Variants in FRK observed in about 807,000 individuals in gnomAD.
The protein encoded by FRK is fyn related Src family tyrosine kinase.
FRK carries 51 observed loss-of-function variants against 56.4 expected under a neutral mutation model. That is an observed-to-expected ratio of 0.90 (90% confidence interval 0.72 to 1.14). FRK has a LOEUF of 1.14. FRK is among the 50% of genes most tolerant of loss of function. The pLI, the probability that FRK is intolerant of heterozygous loss-of-function variation, is 0.00. For synonymous variants in FRK, 245 were observed against 217.9 expected (o/e 1.12, Z -1.10); for missense variants, 570 against 601.4 (o/e 0.95, Z 0.55).
upstream of FRK, among the ~76,000 whole-genome samples, chr6:116,061,713 C>T (rs749793164): frequency 9.9e-5 from 15 of 152,126 alleles, no homozygotes; most frequent in East Asian, 1.9e-4. Flanking sequence ...GGCAGATCAA[C>T]GTACGGTCAT....
At chr6:116,034,717 A>C (rs1776405299) in intron 1 of FRK, among the ~76,000 whole-genome samples, 1 of 152,156 alleles carries the variant, frequency 6.6e-6, no homozygotes, top group Non-Finnish European at 1.5e-5. Context: ...GATTCAAATA[A>C]ACCATAAAAA....
chr6:115,987,087 A>G (rs1433633926), intron 2 of FRK, among the ~76,000 whole-genome samples: 1 of 152,114 alleles, frequency 6.6e-6, no homozygotes, highest in African/African-American at 2.4e-5. Flanking sequence ...AGCTACAATC[A>G]TGGGACAAGC....
intron 1 of FRK, among the ~76,000 whole-genome samples, chr6:116,005,446 T>C (rs1289090788): frequency 2.0e-5 from 3 of 152,210 alleles, no homozygotes; most frequent in Admixed American, 2.0e-4. Context: ...CTAGAGCTTC[T>C]ATTTAAAGAT....
At chr6:115,993,967 G>A (rs567188448) in intron 2 of FRK, among the ~76,000 whole-genome samples, 2 of 151,866 alleles carry the variant, frequency 1.3e-5, no homozygotes, top group Non-Finnish European at 2.9e-5. Flanking sequence ...TTTATCTACT[G>A]TTCCTTTCAG....
intron 2 of FRK, among the ~76,000 whole-genome samples, chr6:115,997,830 C>T (rs1188136330): frequency 6.6e-6 from 1 of 152,162 alleles, no homozygotes; most frequent in Non-Finnish European, 1.5e-5. Context: ...GTTCACTAGG[C>T]CTGTCCCACT....
At chr6:115,990,750 A>G (rs1774569072) in intron 2 of FRK, among the ~76,000 whole-genome samples, 1 of 151,808 alleles carries the variant, frequency 6.6e-6, no homozygotes, top group Non-Finnish European at 1.5e-5. Flanking sequence ...TGCTTTGGCT[A>G]TTTGTGCTCT....
intron 3 of FRK, 76 bp from the exon 4 acceptor site, chr6:115,967,795 T>C (rs1416785897): frequency 8.7e-7 from 1 of 1,151,644 alleles, no homozygotes; most frequent in Non-Finnish European, 1.2e-6. Flanking sequence ...AAAATAATAG[T>C]CTAGGTACTT....
chr6:116,064,725 GCCA>G (rs1015923319), upstream of FRK, among the ~76,000 whole-genome samples: 6 of 151,994 alleles, frequency 3.9e-5, no homozygotes, highest in Non-Finnish European at 7.4e-5. Flanking sequence ...ATAGCAAATT[GCCA>G]CCACATTAAT....
At chr6:115,958,431 C>A (rs766093178) in intron 4 of FRK, among the ~76,000 whole-genome samples, 2 of 151,936 alleles carry the variant, frequency 1.3e-5, no homozygotes, top group African/African-American at 4.8e-5. Context: ...GTTAAGAGAC[C>A]AGCCTGGCCA....
intron 1 of FRK, among the ~76,000 whole-genome samples, chr6:116,032,559 T>C (rs1418742394): frequency 6.6e-6 from 1 of 152,194 alleles, no homozygotes; most frequent in Non-Finnish European, 1.5e-5. Flanking sequence ...TATTGATGAA[T>C]GTGCATAATC....
Position 115,958,612 on chromosome 6 carries a change from A to C in FRK, c.800-2002T>G, listed in dbSNP as rs566664152. 1.4e-3 allele frequency among the ~76,000 whole-genome samples: 187 copies of C among 129,334 alleles called. 3 individuals carry two copies. The Middle Eastern group carries it at 0.036, about 25-fold the overall frequency. 84.8% of individuals were successfully genotyped at this position (129,334 alleles called of 152,430 possible). ...CATTGCACTCCAGCCTGGGAAATAG[A>C]GTGAGACTCTGTCTCAAAAAAGGAA... On this transcript the variant is annotated intron_variant, in intron 4 of 7. Coordinates refer to ENST00000606080, the MANE Select transcript of FRK (RefSeq NM_002031.3).
intron 2 of FRK, among the ~76,000 whole-genome samples, chr6:115,988,930 C>G (rs1312463773): frequency 6.6e-6 from 1 of 151,960 alleles, no homozygotes; most frequent in Non-Finnish European, 1.5e-5. Flanking sequence ...TGGATGCCCT[C>G]TTTCTGACTG....
chr6:116,031,788 C>G (rs1246260361), intron 1 of FRK, among the ~76,000 whole-genome samples: 1 of 152,054 alleles, frequency 6.6e-6, no homozygotes, highest in Non-Finnish European at 1.5e-5. Flanking sequence ...TACACCATGT[C>G]TTGGTTATCT....
intron 2 of FRK, among the ~76,000 whole-genome samples, chr6:115,982,153 C>T (rs974557910): frequency 6.6e-6 from 1 of 152,014 alleles, no homozygotes; most frequent in Non-Finnish European, 1.5e-5. Context: ...CTGAATAGAA[C>T]AAAAAAGGTA....
chr6:116,070,281 AT>A, the FRK span, among the ~76,000 whole-genome samples: 1 of 152,084 alleles, frequency 6.6e-6, no homozygotes, highest in Non-Finnish European at 1.5e-5. Context: ...TCAAAAGCAG[AT>A]TCTGGACAAT....
chr6:115,997,884 C>G (rs976432586), intron 2 of FRK, among the ~76,000 whole-genome samples: 2 of 152,164 alleles, frequency 1.3e-5, no homozygotes, highest in African/African-American at 4.8e-5. Flanking sequence ...TCCCACAGGC[C>G]AAGTGATTTC....
chr6:115,992,437 T>C (rs534766712), intron 2 of FRK, among the ~76,000 whole-genome samples: 1 of 151,820 alleles, frequency 6.6e-6, no homozygotes, highest in Admixed American at 6.6e-5. Flanking sequence ...GAAAGTGCTA[T>C]GATAAATGAG....
At chr6:115,989,619 G>T (rs767310239) in intron 2 of FRK, among the ~76,000 whole-genome samples, 1 of 151,844 alleles carries the variant, frequency 6.6e-6, no homozygotes, top group African/African-American at 2.4e-5. Flanking sequence ...CAGAGAACAT[G>T]ATTTCATTCT....
intron 2 of FRK, among the ~76,000 whole-genome samples, chr6:115,986,103 C>T (rs1774382048): frequency 2.0e-5 from 3 of 151,758 alleles, no homozygotes; most frequent in Admixed American, 2.0e-4. Context: ...CTCTCCTAGC[C>T]TTTGCCATGA....
Sources: gnomAD v4.1 joint callset for allele counts (sites outside exome capture counted in the v4.1 genomes callset) on GRCh38, gnomAD v4.1.1 for gene constraint, MANE v1.5 for transcripts, NCBI Gene and HGNC (gene_info 2026-07-23, HGNC 2026-07-21) for gene names.